PLCE1: variants seen among roughly 807,000 people sequenced by gnomAD.
The protein encoded by PLCE1 is phospholipase C epsilon 1, also known as 1-phosphatidylinositol 4,5-bisphosphate phosphodiesterase epsilon-1.
A neutral mutation model predicts 242.8 loss-of-function variants in PLCE1; 119 were observed. That is an observed-to-expected ratio of 0.49 (90% CI 0.42 to 0.57). PLCE1 has a LOEUF of 0.57. PLCE1 is among the 20% of genes least tolerant of loss of function. The pLI, the probability that PLCE1 is intolerant of heterozygous loss-of-function variation, is 0.00. For synonymous variants in PLCE1, 945 were observed against 1,017.4 expected, an observed-to-expected ratio of 0.93 and a Z score of 1.35; for missense variants, 2,441 against 2,788.8, an observed-to-expected ratio of 0.88 and a Z score of 2.81.
intron 2 of PLCE1, among the ~76,000 whole-genome samples, chr10:94,125,977 A>G (rs527387153): frequency 2.2e-4 from 33 of 152,190 alleles, no homozygotes; most frequent in Middle Eastern, 3.4e-3. Context: ...CTTTGTCTCC[A>G]TCTGAATTAC....
intron 2 of PLCE1, among the ~76,000 whole-genome samples, chr10:94,127,987 C>CTTTT (rs33916545): frequency 5.1e-5 from 6 of 118,296 alleles, no homozygotes; most frequent in African/African-American, 9.4e-5. Context: ...AATACCTTGA[C>CTTTT]TTTTTTTTTT....
In PLCE1 at chr10:94,039,030, A is replaced by G. The variant is rs555967951; in HGVS notation, c.1206+6778A>G. Among the ~76,000 whole-genome samples the G allele has an allele frequency of 6.0e-4, 91 of 152,284 alleles. No individual in the cohort carries two copies. The Middle Eastern group carries it at 0.01, about 17-fold the overall frequency. ...TTCTTTCACTTCGCATAATCTTTTC[A>G]AGGTTAAATATTCATTTATACGGTA... On this transcript the variant is annotated intron_variant, in intron 2 of 32. Transcript: ENST00000371380.
intron 4 of PLCE1, among the ~76,000 whole-genome samples, chr10:94,199,578 C>T (rs1226153549): frequency 1.3e-5 from 2 of 152,206 alleles, no homozygotes; most frequent in Non-Finnish European, 2.9e-5. Flanking sequence ...CTAGATGTTT[C>T]ATTTTTTCCC....
intron 1 of PLCE1, among the ~76,000 whole-genome samples, chr10:94,024,762 G>T (rs932549952): frequency 6.6e-6 from 1 of 152,004 alleles, no homozygotes; most frequent in Non-Finnish European, 1.5e-5. Context: ...TGGCTTAGGA[G>T]AATAAAATTG....
chr10:94,295,074 C>A (rs2052766008), intron 23 of PLCE1, among the ~76,000 whole-genome samples: 1 of 151,808 alleles, frequency 6.6e-6, no homozygotes, highest in African/African-American at 2.4e-5. Context: ...CACCACCACG[C>A]CCGGCTACTT....
chr10:94,023,382 T>C (rs1274959273), intron 1 of PLCE1, among the ~76,000 whole-genome samples: 1 of 152,186 alleles, frequency 6.6e-6, no homozygotes, highest in Non-Finnish European at 1.5e-5. Flanking sequence ...TTCTCTCTTT[T>C]CATATCATCA....
intron 23 of PLCE1, among the ~76,000 whole-genome samples, chr10:94,296,225 G>T (rs1245146038): frequency 6.6e-6 from 1 of 151,980 alleles, no homozygotes; most frequent in Admixed American, 6.6e-5. Context: ...AATTAGTTGG[G>T]CATGGTGGCG....
chr10:94,007,699 CTTTTTT>C lies in PLCE1; in HGVS notation c.-365+13457_-365+13462del, dbSNP rs80098906. Among the ~76,000 whole-genome samples, 5 of 64,136 alleles carry C rather than the reference CTTTTTT, an allele frequency of 7.8e-5. No individual in the cohort carries two copies. The East Asian group carries it at 2.2e-3, about 28-fold the overall frequency. The allele number at this position is 64,136 out of a possible 152,430, so 42.1% of individuals were successfully genotyped here. On this transcript the variant is annotated intron_variant, in intron 1 of 32. Transcript: ENST00000371380. Reference sequence around the variant, plus strand: ...GTTAGTCCCCATCAAAGCCTACTTTCTTTTTTTTTTTTTTTTTTTTTGGAGTTATTT... The same window carrying C: ...GTTAGTCCCCATCAAAGCCTACTTTCTTTTTTTTTTTTTTTGGAGTTATTT...
chr10:94,013,868 G>A (rs1399837359), intron 1 of PLCE1, among the ~76,000 whole-genome samples: 1 of 151,406 alleles, frequency 6.6e-6, no homozygotes, highest in Non-Finnish European at 1.5e-5. Context: ...ATGATCCCTG[G>A]GGGGGCTAAC....
At chr10:94,187,181 T>TGC (rs56791178) in intron 4 of PLCE1, among the ~76,000 whole-genome samples, 6,030 of 149,148 alleles carry the variant, frequency 0.04, 484 homozygotes, top group East Asian at 0.27. Context: ...TGTGTGTGTG[T>TGC]GCGTGCACAC....
intron 5 of PLCE1, 44 bp from the exon 6 acceptor site, chr10:94,234,010 A>G: frequency 6.4e-7 from 1 of 1,555,916 alleles, no homozygotes; most frequent in Non-Finnish European, 8.8e-7. Flanking sequence ...TGTAAACTAT[A>G]TTATTTCTCC....
At chr10:94,173,106 G>A (rs1036698313) in intron 4 of PLCE1, among the ~76,000 whole-genome samples, 1 of 152,190 alleles carries the variant, frequency 6.6e-6, no homozygotes, top group African/African-American at 2.4e-5. Context: ...TCTTATCAAT[G>A]AGAAACTGAA....
chr10:94,141,628 A>AAGGGAGGAAG lies in PLCE1; in HGVS notation c.1492+9169_1492+9170insAGGGAGGAAG, dbSNP rs1554865088. Reference sequence around the variant, plus strand: ...AAAGGGAAGGAGAAAGGAAGGCAGAAGGAGGAAAGAAAGAAGGAAGGAAAG... The same window carrying AAGGGAGGAAG: ...AAAGGGAAGGAGAAAGGAAGGCAGAAAGGGAGGAAGGGAGGAAAGAAAGAAGGAAGGAAAG... On this transcript the variant is annotated intron_variant, in intron 3 of 32. Transcript: ENST00000371380. 6.1e-4 allele frequency among the ~76,000 whole-genome samples: 61 copies of AAGGGAGGAAG among 100,268 alleles called. 9 individuals are homozygous for AAGGGAGGAAG. The highest frequency in any genetic ancestry group is 3.7e-3 in the African/African-American group (57 of 15,582). 65.8% of individuals were successfully genotyped at this position (100,268 alleles called of 152,430 possible).
chr10:94,230,333 AT>A (rs533971500), intron 5 of PLCE1, among the ~76,000 whole-genome samples: 126 of 151,320 alleles, frequency 8.3e-4, no homozygotes, highest in African/African-American at 2.7e-3. Context: ...AAAAAACAAA[AT>A]TTTTTTTTTA....
chr10:94,217,909 G>C (rs540608541), intron 4 of PLCE1, among the ~76,000 whole-genome samples: 1 of 151,444 alleles, frequency 6.6e-6, no homozygotes, highest in African/African-American at 2.4e-5. Context: ...TACACAACTG[G>C]TTTAATTGCA....
chr10:94,123,333 G>A (rs1046510916), intron 2 of PLCE1, among the ~76,000 whole-genome samples: 1 of 152,174 alleles, frequency 6.6e-6, no homozygotes, highest in African/African-American at 2.4e-5. Context: ...AAGTGATAAA[G>A]GTTCAGCTTA....
chr10:94,310,992 G>A (rs552102302), intron 27 of PLCE1, among the ~76,000 whole-genome samples: 10 of 152,300 alleles, frequency 6.6e-5, no homozygotes, highest in Middle Eastern at 3.4e-3. Context: ...TTGCTAGAAT[G>A]ACACAGAACT....
intron 2 of PLCE1, among the ~76,000 whole-genome samples, chr10:94,077,074 C>A (rs924628192): frequency 6.6e-6 from 1 of 152,172 alleles, no homozygotes; most frequent in African/African-American, 2.4e-5. Context: ...AATTATATAT[C>A]TCATCGAAAT....
In PLCE1 at chr10:94,283,748, C is replaced by T. The variant is rs759262335; in HGVS notation, c.4796-42C>T. ...ATGCACATGTAGCTCTTAAGTGAAG[C>T]ATTGGGTTCGTTTTCACTGAAGTCT... On this transcript the variant is annotated intron_variant, in intron 20 of 32. Coordinates refer to ENST00000371380, the MANE Select transcript of PLCE1 (RefSeq NM_016341.4). 33 of 1,598,916 alleles carry T rather than the reference C, an allele frequency of 2.1e-5. No homozygotes were observed. In the African/African-American group the frequency reaches 2.7e-4, roughly 13 times the overall value.
Sources: allele counts gnomAD v4.1 joint callset (sites outside exome capture counted in the v4.1 genomes callset), GRCh38; gene constraint gnomAD v4.1.1; transcripts MANE v1.5; gene names NCBI Gene and HGNC (gene_info 2026-07-23, HGNC 2026-07-21).